The following CNTN4 variants were observed in gnomAD, a reference collection of about 807,000 sequenced individuals.
The protein encoded by CNTN4 is contactin 4.
A neutral mutation model predicts 122.5 loss-of-function variants in CNTN4; 77 were observed. The observed-to-expected ratio is 0.63, with a 90% CI of 0.52 to 0.76. The LOEUF is 0.76. Among genes scored for constraint, CNTN4 ranks in the 30% least tolerant of loss-of-function variants. CNTN4 has a pLI of 0.00. For synonymous variants in CNTN4, 512 were observed against 447.0 expected (o/e 1.15, Z -1.83); for missense variants, 1,256 against 1,259.1 (o/e 1.00, Z 0.04).
chr3:2,439,015 C>A (rs2048345820), intron 3 of CNTN4, among the ~76,000 whole-genome samples: 1 of 152,188 alleles, frequency 6.6e-6, no homozygotes, highest in Non-Finnish European at 1.5e-5. Flanking sequence ...TGGCCATGGT[C>A]ACCCTGCTTC....
intron 7 of CNTN4, among the ~76,000 whole-genome samples, chr3:2,834,276 A>T (rs2093167337): frequency 6.6e-6 from 1 of 152,140 alleles, no homozygotes; most frequent in Non-Finnish European, 1.5e-5. Flanking sequence ...AAAATCAAAG[A>T]AGTTGTGGCC....
At chr3:2,591,845 T>C (rs1195407528) in intron 4 of CNTN4, among the ~76,000 whole-genome samples, 1 of 152,158 alleles carries the variant, frequency 6.6e-6, no homozygotes, top group Non-Finnish European at 1.5e-5. Flanking sequence ...GAGTCGAGAC[T>C]AAGAAGCAAT....
chr3:2,608,629 G>A (rs533231538), intron 4 of CNTN4, among the ~76,000 whole-genome samples: 2 of 152,038 alleles, frequency 1.3e-5, no homozygotes, highest in South Asian at 2.1e-4. Flanking sequence ...TTACAGGCAC[G>A]TGCCACCATG....
chr3:2,660,225 A>AT (rs2083813866), intron 4 of CNTN4, among the ~76,000 whole-genome samples: 1 of 151,922 alleles, frequency 6.6e-6, no homozygotes, highest in African/African-American at 2.4e-5. Context: ...ATGATTAAAA[A>AT]AAAAACTCTA....
intron 7 of CNTN4, among the ~76,000 whole-genome samples, chr3:2,842,519 C>A (rs2093380754): frequency 6.6e-6 from 1 of 152,172 alleles, no homozygotes; most frequent in African/African-American, 2.4e-5. Flanking sequence ...CTGCTTTAAA[C>A]TAGTAAGAAA....
chr3:3,034,279 C>A (rs1341430976), intron 16 of CNTN4, among the ~76,000 whole-genome samples: 1 of 152,084 alleles, frequency 6.6e-6, no homozygotes, highest in Admixed American at 6.6e-5. Flanking sequence ...CACTGTCTGA[C>A]CCATATTAGG....
At chr3:2,129,459 AAAT>A (rs2034348510) in intron 2 of CNTN4, among the ~76,000 whole-genome samples, 1 of 148,798 alleles carries the variant, frequency 6.7e-6, no homozygotes, top group Admixed American at 6.9e-5. Context: ...TCACTCTAGG[AAAT>A]AATCAAGTGT....
intron 3 of CNTN4, among the ~76,000 whole-genome samples, chr3:2,374,754 C>T (rs527712512): frequency 6.6e-6 from 1 of 152,058 alleles, no homozygotes; most frequent in Non-Finnish European, 1.5e-5. Context: ...TATTGAATTC[C>T]AAAACTATCA....
At chr3:2,111,673 A>G (rs1345306847) in intron 2 of CNTN4, among the ~76,000 whole-genome samples, 1 of 152,136 alleles carries the variant, frequency 6.6e-6, no homozygotes, top group Non-Finnish European at 1.5e-5. Context: ...TTAGTATGTA[A>G]CATCAGACCA....
intron 3 of CNTN4, among the ~76,000 whole-genome samples, chr3:2,398,729 T>C (rs569678588): frequency 1.3e-5 from 2 of 152,244 alleles, no homozygotes; most frequent in Admixed American, 1.3e-4. Context: ...ATTGTTGGGG[T>C]GTATACCACG....
At chr3:2,758,168 T>C (rs145436667) in intron 6 of CNTN4, among the ~76,000 whole-genome samples, 1 of 152,314 alleles carries the variant, frequency 6.6e-6, no homozygotes, top group African/African-American at 2.4e-5. Flanking sequence ...AGTCAACAAA[T>C]GGCTTTTCTT....
chr3:2,705,832 A>T (rs1391945909), intron 4 of CNTN4, among the ~76,000 whole-genome samples: 1 of 103,818 alleles, frequency 9.6e-6, no homozygotes, highest in African/African-American at 4.1e-5. Context: ...TAATAAATAT[A>T]TATAATATAT....
chr3:2,516,234 C>G (rs759705294), intron 3 of CNTN4, among the ~76,000 whole-genome samples: 7 of 151,866 alleles, frequency 4.6e-5, no homozygotes, highest in Non-Finnish European at 8.8e-5. Context: ...TCTCATAAAA[C>G]TGAGTAGATA....
intron 3 of CNTN4, among the ~76,000 whole-genome samples, chr3:2,384,402 C>T (rs137923431): frequency 6.6e-6 from 1 of 152,248 alleles, no homozygotes; most frequent in African/African-American, 2.4e-5. Context: ...CGCCTAATTA[C>T]TCGCAGCACA....
At chr3:3,040,605 T>C (rs1700071755) in intron 20 of CNTN4, among the ~76,000 whole-genome samples, 2 of 152,240 alleles carry the variant, frequency 1.3e-5, no homozygotes, top group African/African-American at 4.8e-5. Flanking sequence ...AATATCAAAA[T>C]ATAATTTGCA....
At chr3:2,928,471 T>C (rs933847221) in intron 13 of CNTN4, among the ~76,000 whole-genome samples, 1 of 152,176 alleles carries the variant, frequency 6.6e-6, no homozygotes, top group Non-Finnish European at 1.5e-5. Flanking sequence ...AACCCCTATT[T>C]TGGGAAAGGA....
At chr3:2,598,320 C>T (rs1302818108) in intron 4 of CNTN4, among the ~76,000 whole-genome samples, 1 of 152,106 alleles carries the variant, frequency 6.6e-6, no homozygotes, top group African/African-American at 2.4e-5. Flanking sequence ...AGTACAATTG[C>T]ATACTCTTAA....
At chr3:2,184,281 C>T (rs1315618770) in intron 2 of CNTN4, among the ~76,000 whole-genome samples, 1 of 152,102 alleles carries the variant, frequency 6.6e-6, no homozygotes, top group South Asian at 2.1e-4. Flanking sequence ...GCCACCACAC[C>T]AGCCTGAAAT....
intron 14 of CNTN4, chr3:3,008,909 A>G (rs887981960): frequency 1.0e-6 from 1 of 980,626 alleles, no homozygotes. Context: ...AACCACCAAG[A>G]TCTAATAAGC....
Sources: gnomAD v4.1 joint callset for allele counts (sites outside exome capture counted in the v4.1 genomes callset) on GRCh38, gnomAD v4.1.1 for gene constraint, MANE v1.5 for transcripts, NCBI Gene and HGNC (gene_info 2026-07-23, HGNC 2026-07-21) for gene names.